The following KLF15 variants were observed in gnomAD, a reference collection of about 807,000 sequenced individuals.
The protein encoded by KLF15 is Krueppel-like factor 15.
A neutral mutation model predicts 24.6 loss-of-function variants in KLF15; 4 were observed. The ratio of observed to expected loss-of-function variants is 0.16; its 90% CI spans 0.08 to 0.37. KLF15 has a LOEUF of 0.37. KLF15 is among the 10% of genes least tolerant of loss of function. KLF15 has a pLI of 1.00. For missense variants in KLF15, 496 were observed against 560.6 expected (o/e 0.88, Z 1.16); for synonymous variants, 246 against 236.3 (o/e 1.04, Z -0.37).
At chr3:126,354,030 C>T (rs1489080274) in intron 1 of KLF15, 2 of 152,428 alleles carry the variant, frequency 1.3e-5, no homozygotes, top group Admixed American at 1.3e-4. Flanking sequence ...GAAGGTTCAG[C>T]TAATGCCTGT....
chr3:126,355,380 A>C (rs1052457708), intron 1 of KLF15, among the ~76,000 whole-genome samples: 5 of 152,160 alleles, frequency 3.3e-5, no homozygotes, highest in African/African-American at 1.2e-4. Flanking sequence ...CTCTCTGCAG[A>C]CCTCACCACC....
intron 1 of KLF15, chr3:126,354,220 G>A (rs1357922304): frequency 3.9e-5 from 6 of 152,308 alleles, no homozygotes; most frequent in Non-Finnish European, 5.9e-5. Context: ...CAGCTGTGAC[G>A]GGGCCACCTC....
chr3:126,314,874 T>C, the KLF15 span, among the ~76,000 whole-genome samples: 1 of 152,254 alleles, frequency 6.6e-6, no homozygotes, highest in South Asian at 2.1e-4. Flanking sequence ...CATCTTTTTA[T>C]GGCTTGCTTT....
At chr3:126,290,121 C>T in the KLF15 span, among the ~76,000 whole-genome samples, 2 of 152,206 alleles carry the variant, frequency 1.3e-5, no homozygotes, top group Non-Finnish European at 1.5e-5. Context: ...CAGCTTCTTG[C>T]ATGACTCCAC....
rs959961661 is a variant in KLF15, at chr3:126,353,032, C to A, written c.-25-85G>T. 4 of 1,431,944 alleles carry A rather than the reference C, an allele frequency of 2.8e-6. No individual in the cohort carries two copies. The African/African-American group carries it at 5.7e-5, about 21-fold the overall frequency. The allele number at this position is 1,431,944 out of a possible 1,614,324, so 88.7% of individuals were successfully genotyped here. ...AGGCCTCTGACCCCACCCTCAGCTG[C>A]CTGCCCACAGCCTCCTATTGCCAAA... On this transcript the variant is annotated intron_variant, in intron 1 of 2. Coordinates refer to ENST00000296233, the MANE Select transcript of KLF15 (RefSeq NM_014079.4).
intron 2 of KLF15, among the ~76,000 whole-genome samples, chr3:126,346,068 A>T (rs2082533770): frequency 6.6e-6 from 1 of 152,190 alleles, no homozygotes; most frequent in South Asian, 2.1e-4. Flanking sequence ...AGAGCCCCCC[A>T]GCCTCCTGTA....
chr3:126,335,602 G>C, the KLF15 span, among the ~76,000 whole-genome samples: 76 of 146,392 alleles, frequency 5.2e-4, no homozygotes, highest in Non-Finnish European at 7.9e-4. Context: ...GGAAATAAAG[G>C]GTATTCAATT....
At chr3:126,296,181 G>A in the KLF15 span, among the ~76,000 whole-genome samples, 1 of 152,122 alleles carries the variant, frequency 6.6e-6, no homozygotes, top group Non-Finnish European at 1.5e-5. Context: ...CAGCCTCAGG[G>A]GGGCTTGAAA....
chr3:126,327,577 G>A, the KLF15 span, among the ~76,000 whole-genome samples: 13 of 152,152 alleles, frequency 8.5e-5, no homozygotes, highest in East Asian at 5.8e-4. Context: ...ATTTTGACCC[G>A]CCTTGCTGTT....
At chr3:126,344,276 T>A (rs2082513152) in intron 2 of KLF15, among the ~76,000 whole-genome samples, 1 of 151,850 alleles carries the variant, frequency 6.6e-6, no homozygotes, top group South Asian at 2.1e-4. Context: ...CCCAGGCTGG[T>A]GTCAAACTCC....
chr3:126,337,716 C>T (rs1223971913), downstream of KLF15, among the ~76,000 whole-genome samples: 1 of 152,180 alleles, frequency 6.6e-6, no homozygotes, highest in Non-Finnish European at 1.5e-5. Flanking sequence ...ACAACTACAG[C>T]TGTTGCTCTC....
At chr3:126,310,727 T>C in the KLF15 span, among the ~76,000 whole-genome samples, 1 of 152,280 alleles carries the variant, frequency 6.6e-6, no homozygotes, top group Non-Finnish European at 1.5e-5. Context: ...TTTTAAGAAG[T>C]CTTAATGGAT....
chr3:126,316,521 T>TGGGGAGGGAGTACCTGGGCCGGAGTA, the KLF15 span, among the ~76,000 whole-genome samples: 5 of 25,534 alleles, frequency 2.0e-4, no homozygotes, highest in African/African-American at 1.0e-3. Flanking sequence ...TGAGCTGCAG[T>TGGGGAGGGAGTACCTGGGCCGGAGTA]GGGGAGGGAG....
At chr3:126,318,345 T>A in the KLF15 span, among the ~76,000 whole-genome samples, 1 of 152,302 alleles carries the variant, frequency 6.6e-6, no homozygotes, top group African/African-American at 2.4e-5. Flanking sequence ...GGGATTAGCC[T>A]GGGGGTAGGA....
chr3:126,351,809 C>T (rs200929049), intron 2 of KLF15, 32 bp downstream of exon 2: 107 of 1,586,880 alleles, frequency 6.7e-5, no homozygotes, highest in Non-Finnish European at 5.6e-5. Context: ...TGGCTGTGCT[C>T]ACTGCCCAGG....
Position 126,356,382 on chromosome 3 carries a change from C to T in KLF15, c.-26+855G>A, listed in dbSNP as rs1235496152. ...GTGGGAGAAAACAGCCCCTCTGTGC[C>T]CTCCGTGAGAGGGGGGTTCCATGAG... On this transcript the variant is annotated intron_variant, in intron 1 of 2. Transcript: ENST00000296233. This position sits in a 1 kb window ranked among gnomAD's most constrained non-coding sequence, Gnocchi z 4.4. Among the ~76,000 whole-genome samples, 3 of 152,226 alleles carry T rather than the reference C, an allele frequency of 2.0e-5. No individual in the cohort carries two copies. The highest frequency in any genetic ancestry group is 1.3e-4 in the Admixed American group (2 of 15,304).
chr3:126,351,885 C>A lies in KLF15; in HGVS notation c.1038G>T (p.Thr346=), dbSNP rs370720182. 3.7e-6 allele frequency: 6 copies of A among 1,613,982 alleles called. No individual in the cohort carries two copies. In the African/African-American group the frequency reaches 6.7e-5, roughly 18 times the overall value. Residue 346 remains threonine (T), a synonymous_variant, in exon 2 of 3, where the codon ACG becomes ACT. Transcript: ENST00000296233. ...SHLKAHLRRH[T]GEKPFACTWP... The stretch of plus-strand genomic sequence containing the variant: ...AGGTGCAGGCGAAGGGCTTCTCACC[C>A]GTGTGCCGGCGCAGGTGGGCCTTGA...
At chr3:126,312,707 T>C in the KLF15 span, among the ~76,000 whole-genome samples, 2 of 152,212 alleles carry the variant, frequency 1.3e-5, no homozygotes, top group Non-Finnish European at 2.9e-5. Flanking sequence ...AGGGCTGCTG[T>C]AACAAAGTAC....
chr3:126,324,944 T>A, the KLF15 span, among the ~76,000 whole-genome samples: 1,968 of 100,416 alleles, frequency 0.02, 90 homozygotes, highest in African/African-American at 0.078. Flanking sequence ...TATCTCCCAA[T>A]GCTATCCCTC....
Sources: allele counts gnomAD v4.1 joint callset (sites outside exome capture counted in the v4.1 genomes callset), GRCh38; gene constraint gnomAD v4.1.1; non-coding constraint Gnocchi (gnomAD v3.1); transcripts MANE v1.5; gene names NCBI Gene and HGNC (gene_info 2026-07-23, HGNC 2026-07-21).